Variants in HSDL1 observed in about 807,000 individuals in gnomAD.
HSDL1 encodes the protein hydroxysteroid dehydrogenase like 1, also known as inactive hydroxysteroid dehydrogenase-like protein 1.
A neutral mutation model predicts 31.5 loss-of-function variants in HSDL1; 29 were observed. The ratio of observed to expected loss-of-function variants is 0.92; its 90% CI spans 0.69 to 1.26. The LOEUF (loss-of-function observed/expected upper bound fraction) is 1.26. Among genes scored for constraint, HSDL1 ranks in the 50% most tolerant of loss-of-function variants. The probability of loss-of-function intolerance (pLI) is 0.00; values close to 1 mark genes in which losing one functional copy is unlikely to be tolerated. For synonymous variants in HSDL1, 222 were observed against 155.2 expected, an observed-to-expected ratio of 1.43 and a Z score of -3.20; for missense variants, 503 against 416.6, an observed-to-expected ratio of 1.21 and a Z score of -1.81.
chr16:84,141,072 C>T (rs1323184032), intron 1 of HSDL1, among the ~76,000 whole-genome samples: 1 of 143,164 alleles, frequency 7.0e-6, no homozygotes, highest in Non-Finnish European at 1.5e-5. Flanking sequence ...GCCTGGGCGA[C>T]AGAACGAGAC....
chr16:84,131,133 G>C lies in HSDL1; in HGVS notation c.189C>G (p.Ile63Met). ...IPRLGSRADL[I>M]KQYGRWAVVS... ...CAACGGCCCATCTTCCATACTGCTT[G>C]ATCAAGTCTGCTCTGCTCCCCAGGC... The change falls in exon 3 of 6, where the codon ATC becomes ATG. Residue 63 changes from isoleucine (I) to methionine (M), a missense_variant. Physicochemically the swap from Ile to Met is conservative, Grantham distance 10. Coordinates refer to ENST00000219439, the MANE Select transcript of HSDL1 (RefSeq NM_031463.5). The C allele has an allele frequency of 1.2e-6, 2 of 1,614,060 alleles. No individual in the cohort carries two copies. Among genetic ancestry groups the C allele is most frequent in the Non-Finnish European group, 1.7e-6 (2 of 1,179,928 alleles).
intron 1 of HSDL1, among the ~76,000 whole-genome samples, chr16:84,138,566 G>A (rs1027042348): frequency 2.0e-5 from 3 of 152,188 alleles, no homozygotes; most frequent in African/African-American, 7.2e-5. Context: ...ATCAAATCAT[G>A]TTGTACACCT....
At position 84,132,979 on chromosome 16, in the gene HSDL1, GA is replaced by G. The variant is rs35217885; in HGVS notation, c.-6-1653del. Among the ~76,000 whole-genome samples the G allele has an allele frequency of 4.0e-3, 531 of 131,200 alleles. 2 individuals carry two copies. Among genetic ancestry groups the G allele is most frequent in the Middle Eastern group, 8.3e-3 (2 of 242 alleles). The allele number at this position is 131,200 out of a possible 152,430, so 86.1% of individuals were successfully genotyped here. On this transcript the variant is annotated intron_variant, in intron 2 of 5. Coordinates refer to ENST00000219439, the MANE Select transcript of HSDL1 (RefSeq NM_031463.5). ...CTTTTGAAGAAATCCCTTTAAAATA[GA>G]AAAAAAAAAAAAAGTCTGGATACTA... is the stretch of plus-strand genomic sequence containing the variant.
chr16:84,127,253 T>C (rs1464394132), intron 5 of HSDL1, among the ~76,000 whole-genome samples: 6 of 143,418 alleles, frequency 4.2e-5, no homozygotes, highest in African/African-American at 1.6e-4. Flanking sequence ...AGTCTAGCTC[T>C]GTCACCCAGG....
Position 84,129,972 on chromosome 16 carries a change from A to G in HSDL1, c.666+14T>C. 6.2e-7 allele frequency: 1 copy of G among 1,603,928 alleles called. No homozygotes were observed. Among genetic ancestry groups the G allele is most frequent in the South Asian group, 1.1e-5 (1 of 89,800 alleles). On this transcript the variant is annotated intron_variant, in intron 4 of 5. Transcript: ENST00000219439. ...TGGCATTAGGATTTCATCTTCCAGTAAGTAACATCTGACCTTAGAAGCAGA... is the reference window on the plus strand; with the variant it reads ...TGGCATTAGGATTTCATCTTCCAGTGAGTAACATCTGACCTTAGAAGCAGA...
Position 84,130,133 on chromosome 16 carries a change from G to A in HSDL1, c.519C>T (p.Ile173=). ...TAGCGGCGGCAATGTTCACATTTAT[G>A]ATGTCCCAGAGCTTGTCCTCGGACA... ...TQLSEDKLWD[I]INVNIAAASL... The change falls in exon 4 of 6, where the codon ATC becomes ATT. Residue 173 remains isoleucine, a synonymous_variant. Coordinates refer to ENST00000219439, the MANE Select transcript of HSDL1 (RefSeq NM_031463.5). 6.2e-7 allele frequency: 1 copy of A among 1,614,156 alleles called. No homozygotes were observed. Among genetic ancestry groups the A allele is most frequent in the Non-Finnish European group, 8.5e-7 (1 of 1,180,036 alleles).
chr16:84,134,990 T>C (rs753863876), intron 2 of HSDL1, among the ~76,000 whole-genome samples: 29 of 152,074 alleles, frequency 1.9e-4, no homozygotes, highest in Non-Finnish European at 3.7e-4. Flanking sequence ...TCCCAGCACT[T>C]TGGGAGGCCG....
At chr16:84,127,406 G>C (rs1284541030) in intron 5 of HSDL1, among the ~76,000 whole-genome samples, 2 of 151,086 alleles carry the variant, frequency 1.3e-5, no homozygotes, top group African/African-American at 2.4e-5. Context: ...AGTAGAGATG[G>C]GGTTTCACCA....
chr16:84,136,131 C>T (rs2086710376), intron 1 of HSDL1, among the ~76,000 whole-genome samples: 1 of 152,238 alleles, frequency 6.6e-6, no homozygotes, highest in Non-Finnish European at 1.5e-5. Context: ...GCTTCTCTTT[C>T]CAAATTCCTG....
Position 84,129,638 on chromosome 16 carries a change from C to G in HSDL1, c.804G>C (p.Leu268Phe). 1 of 1,614,166 alleles carries G rather than the reference C, an allele frequency of 6.2e-7. No homozygotes were observed. The highest frequency in any genetic ancestry group is 2.2e-5 in the East Asian group (1 of 44,870). ...PSNFLHRCSW[L>F]VPSPKVYAHH... The stretch of plus-strand genomic sequence containing the variant: ...GTGCATAGACTTTTGGCGAAGGCAC[C>G]AACCACGAGCACCTGTGCAGAAAGT... Residue 268 changes from leucine to phenylalanine, a missense_variant, in exon 5 of 6, where the codon TTG (leucine) becomes TTC (phenylalanine). Transcript: ENST00000219439.
intron 5 of HSDL1, 190 bp from the exon 6 acceptor site, chr16:84,124,918 T>A (rs2086588960): frequency 4.8e-6 from 2 of 412,674 alleles, no homozygotes; most frequent in African/African-American, 2.6e-5. Context: ...TCACAACAAA[T>A]ACCCACCAAT....
chr16:84,130,701 A>G (rs1339814464), intron 3 of HSDL1, among the ~76,000 whole-genome samples: 1 of 152,220 alleles, frequency 6.6e-6, no homozygotes, highest in Admixed American at 6.5e-5. Flanking sequence ...TTTGTTTTCA[A>G]ACTACTATCT....
At chr16:84,131,351 G>A (rs775885222) in intron 2 of HSDL1, 24 bp from the exon 3 acceptor site, 3 of 1,481,796 alleles carry the variant, frequency 2.0e-6, no homozygotes, top group African/African-American at 2.8e-5. Flanking sequence ...GAAAGAGAGA[G>A]AGCCTCTTTG....
chr16:84,142,588 A>G (rs1024891990), intron 1 of HSDL1, among the ~76,000 whole-genome samples: 11 of 151,884 alleles, frequency 7.2e-5, no homozygotes, highest in Admixed American at 7.2e-4. Context: ...GGCGTGTGCC[A>G]CCATGCCTGG....
At chr16:84,143,718 CG>C (rs2086795182) in intron 1 of HSDL1, among the ~76,000 whole-genome samples, 1 of 151,848 alleles carries the variant, frequency 6.6e-6, no homozygotes, top group Admixed American at 6.6e-5. Flanking sequence ...CAAACTTGGC[CG>C]GGTACAGTGG....
intron 5 of HSDL1, among the ~76,000 whole-genome samples, chr16:84,128,711 CT>C (rs757856268): frequency 1.7e-3 from 248 of 142,606 alleles, no homozygotes; most frequent in Non-Finnish European, 1.8e-3. Context: ...CAGCATATTT[CT>C]TTTTTTTTTT....
rs1181041801 is a variant in HSDL1 at position 84,124,507 on chromosome 16, G to A, written c.*123C>T. On this transcript the variant is annotated 3_prime_UTR_variant, in exon 6 of 6. Coordinates refer to ENST00000219439, the MANE Select transcript of HSDL1 (RefSeq NM_031463.5). Reference sequence around the variant, plus strand: ...GTATTATGTGTGTTTTGCAAATGACGAATCAACAGTATGCTGAATAATCAG... The same window carrying A: ...GTATTATGTGTGTTTTGCAAATGACAAATCAACAGTATGCTGAATAATCAG... 2.7e-5 allele frequency: 18 copies of A among 674,370 alleles called. No homozygotes were observed. Among genetic ancestry groups the A allele is most frequent in the Non-Finnish European group, 2.2e-5 (8 of 371,364 alleles). 41.8% of individuals were successfully genotyped at this position (674,370 alleles called of 1,614,324 possible).
chr16:84,139,152 A>C (rs745757989), intron 1 of HSDL1: 11 of 152,304 alleles, frequency 7.2e-5, no homozygotes, highest in Admixed American at 3.3e-4. Flanking sequence ...AGCGAACGAC[A>C]GTGTGGTGGG....
intron 5 of HSDL1, among the ~76,000 whole-genome samples, chr16:84,125,934 T>C (rs1349806902): frequency 6.6e-6 from 1 of 151,972 alleles, no homozygotes; most frequent in African/African-American, 2.4e-5. Context: ...AAACCCCATC[T>C]CTACTAAAAA....
Sources: gnomAD v4.1 joint callset for allele counts (sites outside exome capture counted in the v4.1 genomes callset) on GRCh38, gnomAD v4.1.1 for gene constraint, MANE v1.5 for transcripts, NCBI Gene and HGNC (gene_info 2026-07-23, HGNC 2026-07-21) for gene names.